The following TAFA4 variants were observed in gnomAD, a reference collection of about 807,000 sequenced individuals.
The protein encoded by TAFA4 is TAFA chemokine like family member 4.
TAFA4 carries 20 observed loss-of-function variants against 21.1 expected under a neutral mutation model. That is an observed-to-expected ratio of 0.95 (90% CI 0.67 to 1.38). The LOEUF (loss-of-function observed/expected upper bound fraction) is 1.38, where lower values mean the gene tolerates loss of function less well. TAFA4 is among the 40% of genes most tolerant of loss of function. TAFA4 has a pLI of 0.00. For synonymous variants in TAFA4, 71 were observed against 67.4 expected (o/e 1.05, Z -0.26); for missense variants, 211 against 180.9 (o/e 1.17, Z -0.95).
At chr3:68,788,027 T>A (rs1038639656) in intron 3 of TAFA4, among the ~76,000 whole-genome samples, 1 of 152,236 alleles carries the variant, frequency 6.6e-6, no homozygotes, top group African/African-American at 2.4e-5. Flanking sequence ...CATATTTCTG[T>A]AAGAGGTAAG....
intron 3 of TAFA4, among the ~76,000 whole-genome samples, chr3:68,868,036 C>A (rs1260817970): frequency 6.6e-6 from 1 of 151,960 alleles, no homozygotes; most frequent in Non-Finnish European, 1.5e-5. Context: ...AATTCTCCAA[C>A]TAAAAGACAT....
intron 3 of TAFA4, among the ~76,000 whole-genome samples, chr3:68,783,811 A>G (rs191644646): frequency 2.8e-4 from 42 of 152,298 alleles, no homozygotes; most frequent in Non-Finnish European, 4.7e-4. Flanking sequence ...ATACCAAAAT[A>G]ACAGGTGTGA....
chr3:68,760,353 A>C (rs1702738277), intron 3 of TAFA4, among the ~76,000 whole-genome samples: 1 of 152,242 alleles, frequency 6.6e-6, no homozygotes, highest in Non-Finnish European at 1.5e-5. Context: ...TTCTATTGTG[A>C]AAGGGACAAA....
At chr3:68,855,956 C>CA (rs1204954688) in intron 3 of TAFA4, among the ~76,000 whole-genome samples, 3 of 152,066 alleles carry the variant, frequency 2.0e-5, no homozygotes, top group African/African-American at 4.8e-5. Flanking sequence ...GGAATGCAGA[C>CA]ACGATATTTA....
intron 3 of TAFA4, among the ~76,000 whole-genome samples, chr3:68,808,028 T>A (rs910188891): frequency 2.6e-5 from 4 of 152,012 alleles, no homozygotes; most frequent in Non-Finnish European, 5.9e-5. Flanking sequence ...GTATATAGAT[T>A]ATATTATGTG....
At chr3:68,789,540 T>C (rs1262059928) in intron 3 of TAFA4, among the ~76,000 whole-genome samples, 3 of 152,186 alleles carry the variant, frequency 2.0e-5, no homozygotes, top group African/African-American at 7.2e-5. Flanking sequence ...CTTAAATATA[T>C]GTAATTTTTA....
chr3:68,767,925 T>C (rs767402338), intron 3 of TAFA4, among the ~76,000 whole-genome samples: 13 of 150,570 alleles, frequency 8.6e-5, no homozygotes, highest in Non-Finnish European at 1.6e-4. Flanking sequence ...TTTTTTCCTA[T>C]ACTGCTAAGG....
intron 3 of TAFA4, among the ~76,000 whole-genome samples, chr3:68,833,788 A>C (rs946745785): frequency 6.6e-6 from 1 of 152,166 alleles, no homozygotes; most frequent in Non-Finnish European, 1.5e-5. Context: ...CACCCCTTTC[A>C]GTTTATTGTT....
intron 3 of TAFA4, among the ~76,000 whole-genome samples, chr3:68,855,586 TA>T (rs1559544348): frequency 6.6e-6 from 1 of 151,804 alleles, no homozygotes; most frequent in African/African-American, 2.4e-5. Flanking sequence ...GTTTGATCCC[TA>T]AGACAAACTG....
chr3:68,894,397 C>T lies in TAFA4; in HGVS notation c.-122-9087G>A, dbSNP rs532367419. On this transcript the variant is annotated intron_variant, in intron 1 of 5. Coordinates refer to ENST00000295569, the MANE Select transcript of TAFA4 (RefSeq NM_182522.5). ...CTGGTCTCGAACTCCTGGGCTCAAG[C>T]GATCCTCCTGCCTTGGGCTCCCAAA... 3.9e-3 allele frequency among the ~76,000 whole-genome samples: 590 copies of T among 152,222 alleles called. 1 individual carries two copies. The highest frequency in any genetic ancestry group is 5.9e-3 in the Non-Finnish European group (399 of 68,002).
chr3:68,772,515 C>T (rs1702977049), intron 3 of TAFA4, among the ~76,000 whole-genome samples: 1 of 152,122 alleles, frequency 6.6e-6, no homozygotes, highest in South Asian at 2.1e-4. Flanking sequence ...TCTTCTCCTG[C>T]CTATAGACAT....
At chr3:68,758,396 C>T (rs1269808401) in intron 3 of TAFA4, among the ~76,000 whole-genome samples, 1 of 152,180 alleles carries the variant, frequency 6.6e-6, no homozygotes, top group East Asian at 1.9e-4. Flanking sequence ...GGGCACATGT[C>T]TTTCCCATGC....
intron 3 of TAFA4, among the ~76,000 whole-genome samples, chr3:68,798,441 A>G (rs1269308006): frequency 6.6e-6 from 1 of 152,220 alleles, no homozygotes; most frequent in Non-Finnish European, 1.5e-5. Flanking sequence ...AATTAAAATA[A>G]CCAGAAGTAA....
At chr3:68,910,254 G>A (rs975240029) in intron 1 of TAFA4, among the ~76,000 whole-genome samples, 2 of 152,204 alleles carry the variant, frequency 1.3e-5, no homozygotes, top group African/African-American at 2.4e-5. Context: ...TTATACAAAT[G>A]TGAGAACACT....
intron 3 of TAFA4, among the ~76,000 whole-genome samples, chr3:68,873,376 A>ACACC (rs1491286222): frequency 2.2e-5 from 3 of 138,456 alleles, no homozygotes; most frequent in African/African-American, 5.1e-5. Context: ...ACACACACAC[A>ACACC]CCCTGGGCCA....
At position 68,840,686 on chromosome 3, in the gene TAFA4, G is replaced by A. The variant is rs373657557; in HGVS notation, c.130+40044C>T. On this transcript the variant is annotated intron_variant, in intron 3 of 5. Coordinates refer to ENST00000295569, the MANE Select transcript of TAFA4 (RefSeq NM_182522.5). ...CACATATATAGAATATAGCCATGGA[G>A]AAGGAATAAAGCCCTGGTCCCTCCC... Among the ~76,000 whole-genome samples the A allele has an allele frequency of 3.3e-5, 5 of 152,300 alleles. No homozygotes were observed. In the South Asian group the frequency reaches 8.3e-4, roughly 25 times the overall value.
At chr3:68,747,926 G>C (rs142295416) in intron 4 of TAFA4, among the ~76,000 whole-genome samples, 211 of 152,214 alleles carry the variant, frequency 1.4e-3, no homozygotes, top group African/African-American at 4.8e-3. Flanking sequence ...GCTACTTCTA[G>C]TTCCCGAGTT....
chr3:68,785,935 T>C (rs917800987), intron 3 of TAFA4, among the ~76,000 whole-genome samples: 7 of 152,240 alleles, frequency 4.6e-5, no homozygotes, highest in African/African-American at 1.7e-4. Flanking sequence ...ACAGATGTAT[T>C]TGCAAACATA....
intron 3 of TAFA4, among the ~76,000 whole-genome samples, chr3:68,849,941 A>C (rs778379644): frequency 1.3e-5 from 2 of 152,200 alleles, no homozygotes; most frequent in Non-Finnish European, 2.9e-5. Context: ...TATAATTGAC[A>C]GTAAAACTGT....
Sources: gnomAD v4.1 joint callset for allele counts (sites outside exome capture counted in the v4.1 genomes callset) on GRCh38, gnomAD v4.1.1 for gene constraint, MANE v1.5 for transcripts, NCBI Gene and HGNC (gene_info 2026-07-23, HGNC 2026-07-21) for gene names.